TAF4: variants seen among roughly 807,000 people sequenced by gnomAD.
The protein encoded by TAF4 is TATA-box binding protein associated factor 4, also known as transcription initiation factor TFIID subunit 4.
Under a neutral mutation model 90.3 loss-of-function variants are expected in TAF4, and 9 were observed. The ratio of observed to expected loss-of-function variants is 0.10; its 90% CI spans 0.06 to 0.17. TAF4 has a LOEUF of 0.17. Ranked by LOEUF, TAF4 falls within the 10% of genes least tolerant of loss-of-function variation. The pLI is 1.00. For missense variants in TAF4, 1,351 were observed against 1,370.7 expected (o/e 0.99, Z 0.23); for synonymous variants, 818 against 638.9 (o/e 1.28, Z -4.23).
Position 62,064,852 on chromosome 20 carries a change from C to A in TAF4, c.959G>T (p.Gly320Val). 5 of 965,020 alleles carry A rather than the reference C, an allele frequency of 5.2e-6. No homozygotes were observed. Among genetic ancestry groups the A allele is most frequent in the South Asian group, 4.7e-5 (1 of 21,128 alleles). The allele number at this position is 965,020 out of a possible 1,614,324, so 59.8% of individuals were successfully genotyped here. Reference protein sequence around the residue: ...GAAPAPAPAAGGPAGVSGQPG... With the variant: ...GAAPAPAPAAVGPAGVSGQPG... ...TTGGCCGCTGACCCCCGCGGGGCCC[C>A]CGGCGGCCGGGGCGGGGGCGGGGGC... The change falls in exon 1 of 15, where the codon GGG (glycine) becomes GTG (valine). Residue 320 changes from glycine to valine, a missense_variant. By Grantham distance (109) the Gly-to-Val change is moderately radical. Around this residue, in one of 9 missense-constraint regions of TAF4, gnomAD observed 782 missense variants for 536.6 expected, o/e 1.46. Transcript: ENST00000252996.
At chr20:62,048,259 C>T (rs1291079616) in intron 1 of TAF4, among the ~76,000 whole-genome samples, 3 of 152,188 alleles carry the variant, frequency 2.0e-5, no homozygotes, top group Non-Finnish European at 4.4e-5. Context: ...ACCACAAATG[C>T]TTTTCTAAAA....
intron 14 of TAF4, among the ~76,000 whole-genome samples, chr20:61,991,270 A>T (rs2055629521): frequency 6.6e-6 from 1 of 151,856 alleles, no homozygotes; most frequent in Non-Finnish European, 1.5e-5. Flanking sequence ...AATACAAAAA[A>T]ATTAGCTGGG....
intron 1 of TAF4, among the ~76,000 whole-genome samples, chr20:62,035,104 G>A (rs2055925355): frequency 6.6e-6 from 1 of 152,188 alleles, no homozygotes; most frequent in African/African-American, 2.4e-5. Context: ...ACAGGCGTGA[G>A]CCACCGCACC....
Position 62,014,494 on chromosome 20 carries a change from G to A in TAF4, c.1521+53C>T. 5.2e-6 allele frequency: 8 copies of A among 1,535,768 alleles called. No individual in the cohort carries two copies. The South Asian group carries it at 8.6e-5, about 17-fold the overall frequency. ...TGCAGGTTTCCCCAGCATGCGTGGG[G>A]AGAGGGGCTGGGCAGGGAAGGGGTT... On this transcript the variant is annotated intron_variant, in intron 2 of 14. Transcript: ENST00000252996.
chr20:62,035,695 A>G (rs2055928462), intron 1 of TAF4, among the ~76,000 whole-genome samples: 1 of 152,250 alleles, frequency 6.6e-6, no homozygotes, highest in Admixed American at 6.5e-5. Flanking sequence ...AAAAGGAGAC[A>G]ATAGATACAT....
rs781460859 is a variant in TAF4 at position 61,999,087 on chromosome 20, C to T, written c.2809G>A (p.Ala937Thr). ...SYKDDDRYEQ[A>T]SDVRAQLKFF... ...TTGAGCTGTGCCCGGACGTCACTCG[C>T]CTGCTCATATCTGTCGTCATCCTAT... The change falls in exon 12 of 15, where the codon GCG becomes ACG. Residue 937 changes from alanine to threonine, a missense_variant. Around this residue, in one of 9 missense-constraint regions of TAF4, gnomAD observed 95 missense variants for 151.3 expected, o/e 0.63. Coordinates refer to ENST00000252996, the MANE Select transcript of TAF4 (RefSeq NM_003185.4). 2.5e-6 allele frequency: 4 copies of T among 1,614,174 alleles called. No individual in the cohort carries two copies. Among genetic ancestry groups the T allele is most frequent in the Non-Finnish European group, 1.7e-6 (2 of 1,180,050 alleles).
chr20:62,059,262 T>A (rs1436109324), intron 1 of TAF4, among the ~76,000 whole-genome samples: 3 of 152,208 alleles, frequency 2.0e-5, no homozygotes, highest in Non-Finnish European at 2.9e-5. Context: ...CCAGGTACTT[T>A]CTCAAATGGG....
intron 6 of TAF4, chr20:62,007,092 C>G: frequency 3.4e-6 from 1 of 291,010 alleles, no homozygotes; most frequent in Non-Finnish European, 6.3e-6. Context: ...CTCAAGGTGA[C>G]AGACCCCAAA....
At chr20:62,050,268 C>T (rs1218320960) in intron 1 of TAF4, among the ~76,000 whole-genome samples, 3 of 152,124 alleles carry the variant, frequency 2.0e-5, no homozygotes, top group African/African-American at 7.2e-5. Flanking sequence ...ATCATCCTCC[C>T]CTCCAGGGTC....
intron 14 of TAF4, among the ~76,000 whole-genome samples, chr20:61,993,491 G>A (rs1300358690): frequency 2.0e-5 from 3 of 152,202 alleles, no homozygotes; most frequent in African/African-American, 4.8e-5. Flanking sequence ...GTGATGGAGG[G>A]GTGGGAGGGC....
intron 1 of TAF4, among the ~76,000 whole-genome samples, chr20:62,020,731 T>G (rs772086478): frequency 6.6e-6 from 1 of 152,102 alleles, no homozygotes; most frequent in Admixed American, 6.5e-5. Context: ...ATCACAAAGA[T>G]TATCCAATAC....
intron 1 of TAF4, among the ~76,000 whole-genome samples, chr20:62,062,512 T>C (rs1335269191): frequency 6.6e-6 from 1 of 152,188 alleles, no homozygotes; most frequent in Non-Finnish European, 1.5e-5. Context: ...CTCACTTTTT[T>C]AGATAGTAGC....
intron 1 of TAF4, among the ~76,000 whole-genome samples, chr20:62,063,211 CAG>C (rs1254462763): frequency 6.6e-6 from 1 of 152,198 alleles, no homozygotes; most frequent in Non-Finnish European, 1.5e-5. Context: ...CTGCCCTGTC[CAG>C]AGTCTGACCA....
intron 14 of TAF4, among the ~76,000 whole-genome samples, chr20:61,990,285 G>T (rs1006537066): frequency 6.6e-6 from 1 of 152,178 alleles, no homozygotes; most frequent in Non-Finnish European, 1.5e-5. Context: ...GAGTCTGCAC[G>T]GAGCTCCTTA....
intron 1 of TAF4, among the ~76,000 whole-genome samples, chr20:62,043,199 G>T (rs1034157637): frequency 5.9e-5 from 9 of 152,162 alleles, no homozygotes; most frequent in Admixed American, 3.9e-4. Context: ...CCTGCCTGTA[G>T]TTCCAGCTAT....
intron 14 of TAF4, among the ~76,000 whole-genome samples, chr20:61,987,577 C>T (rs572504604): frequency 1.7e-3 from 263 of 152,294 alleles, no homozygotes; most frequent in African/African-American, 6.1e-3. Flanking sequence ...CAGCACCGAA[C>T]GCTGGCGAGG....
intron 1 of TAF4, among the ~76,000 whole-genome samples, chr20:62,053,623 A>G (rs1052960615): frequency 6.6e-6 from 1 of 152,234 alleles, no homozygotes; most frequent in Non-Finnish European, 1.5e-5. Context: ...GCAAGCTGCC[A>G]GATCCACAAG....
chr20:61,979,842 G>A (rs1177786861), intron 14 of TAF4, among the ~76,000 whole-genome samples: 6 of 150,846 alleles, frequency 4.0e-5, no homozygotes, highest in Non-Finnish European at 8.9e-5. Flanking sequence ...CCGTGCAGGC[G>A]CCGTGGCCAC....
chr20:62,021,810 C>G (rs2055845137), intron 1 of TAF4, among the ~76,000 whole-genome samples: 1 of 151,898 alleles, frequency 6.6e-6, no homozygotes, highest in Non-Finnish European at 1.5e-5. Context: ...GAAACAGAGT[C>G]TCACTTAAAG....
Sources: gnomAD v4.1 joint callset for allele counts (sites outside exome capture counted in the v4.1 genomes callset) on GRCh38, gnomAD v4.1.1 for gene constraint, gnomAD v4.1.1 regional missense constraint, MANE v1.5 for transcripts, NCBI Gene and HGNC (gene_info 2026-07-23, HGNC 2026-07-21) for gene names.